The following ANO4 variants were observed in gnomAD, a reference collection of about 807,000 sequenced individuals.
The protein encoded by ANO4 is anoctamin 4, also known as anoctamin-4.
Under a neutral mutation model 141.9 loss-of-function variants are expected in ANO4, and 69 were observed. That is an observed-to-expected ratio of 0.49 (90% CI 0.40 to 0.59). The LOEUF is 0.59. Ranked by LOEUF, ANO4 falls within the 20% of genes least tolerant of loss-of-function variation. The pLI is 0.00. For synonymous variants in ANO4, 350 were observed against 394.3 expected (o/e 0.89, Z 1.33); for missense variants, 894 against 1,162.2 (o/e 0.77, Z 3.36).
chr12:100,991,954 G>A (rs939188939), intron 8 of ANO4, among the ~76,000 whole-genome samples: 2 of 152,062 alleles, frequency 1.3e-5, no homozygotes, highest in African/African-American at 2.4e-5. Context: ...TCAGTAAACA[G>A]CACTAATATT....
In ANO4 at chr12:101,073,403, C is replaced by G. The variant is rs2048898521; in HGVS notation, c.1313-5790C>G. 2.0e-5 allele frequency among the ~76,000 whole-genome samples: 3 copies of G among 151,996 alleles called. No homozygotes were observed. In the South Asian group the frequency reaches 6.2e-4, roughly 32 times the overall value. On this transcript the variant is annotated intron_variant, in intron 14 of 27. Coordinates refer to ENST00000392977, the MANE Select transcript of ANO4 (RefSeq NM_001286615.2). ...CACTTGGACACAGAGCAGGGAACAT[C>G]ACACCCCAAGGCATGTCGTGGGGTG...
chr12:100,802,536 T>A (rs908249235), intron 1 of ANO4, among the ~76,000 whole-genome samples: 3 of 152,248 alleles, frequency 2.0e-5, no homozygotes, highest in African/African-American at 7.2e-5. Flanking sequence ...GATCTCTAGA[T>A]ATCTTGACCA....
chr12:100,878,852 C>T (rs1387756603), intron 1 of ANO4, among the ~76,000 whole-genome samples: 2 of 152,004 alleles, frequency 1.3e-5, no homozygotes, highest in East Asian at 3.9e-4. Context: ...TAAATTTTAC[C>T]TTCTCAATGA....
At chr12:100,862,390 C>T (rs1052572678) in intron 1 of ANO4, among the ~76,000 whole-genome samples, 21 of 152,166 alleles carry the variant, frequency 1.4e-4, no homozygotes, top group African/African-American at 4.8e-4. Context: ...GGTGCAATCT[C>T]AGCTCACTGC....
intron 22 of ANO4, among the ~76,000 whole-genome samples, chr12:101,100,108 A>G (rs971639107): frequency 6.6e-5 from 10 of 152,204 alleles, no homozygotes; most frequent in Non-Finnish European, 1.3e-4. Flanking sequence ...TGTGTGGATT[A>G]AATGAGTTAA....
At chr12:100,831,303 C>A (rs1380805999) in intron 1 of ANO4, among the ~76,000 whole-genome samples, 1 of 152,090 alleles carries the variant, frequency 6.6e-6, no homozygotes, top group African/African-American at 2.4e-5. Context: ...TAAGAAGTAC[C>A]TGGAGAGGAC....
chr12:100,888,992 T>G (rs1487492838), intron 1 of ANO4, among the ~76,000 whole-genome samples: 1 of 151,454 alleles, frequency 6.6e-6, no homozygotes, highest in African/African-American at 2.4e-5. Flanking sequence ...AACTCGTCAT[T>G]TAGCATTAGG....
intron 1 of ANO4, among the ~76,000 whole-genome samples, chr12:100,868,171 A>T (rs1353808862): frequency 3.3e-5 from 5 of 152,138 alleles, no homozygotes; most frequent in Non-Finnish European, 7.4e-5. Flanking sequence ...GTCACCCTGG[A>T]AACAGCCATA....
chr12:101,104,932 T>A (rs11110658), intron 22 of ANO4, among the ~76,000 whole-genome samples: 34,715 of 151,856 alleles, frequency 0.23, 4,113 homozygotes, highest in Admixed American at 0.29. Flanking sequence ...GCTTTATGTA[T>A]TTTGAAACTG....
chr12:101,097,063 G>C (rs1566243543), intron 19 of ANO4, among the ~76,000 whole-genome samples: 1 of 152,092 alleles, frequency 6.6e-6, no homozygotes. Flanking sequence ...GCAAAAATGG[G>C]ATACAGAGGA....
intron 7 of ANO4, among the ~76,000 whole-genome samples, chr12:100,979,914 G>A (rs867959273): frequency 1.7e-5 from 1 of 60,380 alleles, no homozygotes; most frequent in Admixed American, 1.8e-4. Context: ...TTTTTTTTTT[G>A]TATTTTTAGT....
intron 3 of ANO4, among the ~76,000 whole-genome samples, chr12:100,760,459 G>A (rs1342264554): frequency 6.6e-6 from 1 of 152,156 alleles, no homozygotes; most frequent in Non-Finnish European, 1.5e-5. Flanking sequence ...TGAAGAGGGC[G>A]CTGGTCAGGA....
chr12:101,006,243 T>G (rs1350653622), intron 8 of ANO4, among the ~76,000 whole-genome samples: 1 of 152,196 alleles, frequency 6.6e-6, no homozygotes, highest in Non-Finnish European at 1.5e-5. Context: ...AGTAAAATGA[T>G]CCTATTATAA....
chr12:100,938,400 G>A (rs1428579053), intron 3 of ANO4, among the ~76,000 whole-genome samples: 1 of 152,166 alleles, frequency 6.6e-6, no homozygotes, highest in African/African-American at 2.4e-5. Context: ...ATGAAAGAAT[G>A]AATACTGTAT....
intron 14 of ANO4, among the ~76,000 whole-genome samples, chr12:101,050,064 G>A (rs772607421): frequency 6.6e-6 from 1 of 152,158 alleles, no homozygotes; most frequent in Non-Finnish European, 1.5e-5. Flanking sequence ...TTGACCATTG[G>A]GTAGAAGTAG....
At chr12:100,977,424 AC>A (rs1190364018) in intron 7 of ANO4, among the ~76,000 whole-genome samples, 1 of 152,092 alleles carries the variant, frequency 6.6e-6, no homozygotes, top group African/African-American at 2.4e-5. Context: ...GGTGGCACAC[AC>A]CTGTAGTCCC....
At chr12:101,109,796 C>T (rs762317894) in intron 22 of ANO4, among the ~76,000 whole-genome samples, 8 of 152,038 alleles carry the variant, frequency 5.3e-5, no homozygotes, top group Admixed American at 4.6e-4. Flanking sequence ...TTTCATAGTT[C>T]CTCCTATGTT....
intron 1 of ANO4, among the ~76,000 whole-genome samples, chr12:100,878,795 A>C (rs2039432756): frequency 6.6e-6 from 1 of 152,188 alleles, no homozygotes; most frequent in African/African-American, 2.4e-5. Context: ...GCTTTCAAAA[A>C]GCGAAGAGAA....
At chr12:100,923,097 A>G (rs1419258998) in intron 3 of ANO4, among the ~76,000 whole-genome samples, 1 of 151,514 alleles carries the variant, frequency 6.6e-6, no homozygotes, top group Non-Finnish European at 1.5e-5. Context: ...AACCATTGCA[A>G]TTTTTTCTTA....
Sources: allele counts gnomAD v4.1 joint callset (sites outside exome capture counted in the v4.1 genomes callset), GRCh38; gene constraint gnomAD v4.1.1; transcripts MANE v1.5; gene names NCBI Gene and HGNC (gene_info 2026-07-23, HGNC 2026-07-21).